DPP10: variants seen among roughly 807,000 people sequenced by gnomAD.
DPP10 encodes the protein inactive dipeptidyl peptidase 10.
Under a neutral mutation model 120.9 loss-of-function variants are expected in DPP10, and 33 were observed. That is an observed-to-expected ratio of 0.27 (90% confidence interval 0.21 to 0.37). DPP10 has a LOEUF of 0.37. DPP10 is among the 10% of genes least tolerant of loss of function. The pLI is 1.00. For missense variants in DPP10, 816 were observed against 942.8 expected (o/e 0.87, Z 1.76); for synonymous variants, 337 against 326.1 (o/e 1.03, Z -0.36).
intron 5 of DPP10, among the ~76,000 whole-genome samples, chr2:115,669,185 A>C (rs904670329): frequency 6.6e-6 from 1 of 152,146 alleles, no homozygotes; most frequent in Non-Finnish European, 1.5e-5. Flanking sequence ...GCTATTAGCA[A>C]AAGGTGTACA....
At chr2:115,041,124 A>C (rs1450233296) in intron 1 of DPP10, among the ~76,000 whole-genome samples, 2 of 145,236 alleles carry the variant, frequency 1.4e-5, no homozygotes, top group South Asian at 2.1e-4. Context: ...AAACAAAAAA[A>C]AAAAAAAAAA....
At chr2:114,454,070 G>A (rs1678431662) in intron 1 of DPP10, among the ~76,000 whole-genome samples, 1 of 152,168 alleles carries the variant, frequency 6.6e-6, no homozygotes, top group Non-Finnish European at 1.5e-5. Flanking sequence ...AGAAAAATGT[G>A]CTCTGAGACA....
At chr2:115,001,638 A>G (rs1701445415) in intron 1 of DPP10, among the ~76,000 whole-genome samples, 1 of 152,208 alleles carries the variant, frequency 6.6e-6, no homozygotes, top group Non-Finnish European at 1.5e-5. Flanking sequence ...TATAGCTAGG[A>G]AACCTCATGG....
In DPP10 at chr2:114,979,486, A is replaced by G. The variant is rs143865864; in HGVS notation, c.61-329753A>G. ...TTCTCTATTCTTGCTATAGATTTGTACTCAGTTATCTTAAATTTTTGTCAC... is the reference window on the plus strand; with the variant it reads ...TTCTCTATTCTTGCTATAGATTTGTGCTCAGTTATCTTAAATTTTTGTCAC... On this transcript the variant is annotated intron_variant, in intron 1 of 25. Transcript: ENST00000410059. Among the ~76,000 whole-genome samples the G allele has an allele frequency of 9.5e-3, 1,451 of 151,988 alleles. 26 individuals carry two copies. The highest frequency in any genetic ancestry group is 0.033 in the African/African-American group (1,382 of 41,506).
Position 115,135,416 on chromosome 2 carries a change from T to C in DPP10, c.61-173823T>C, listed in dbSNP as rs947916068. 6.6e-5 allele frequency among the ~76,000 whole-genome samples: 10 copies of C among 152,080 alleles called. 1 individual carries two copies. The highest frequency in any genetic ancestry group is 2.4e-4 in the African/African-American group (10 of 41,422). ...ATATTAATTATTACTTTCCTTATAA[T>C]AGCACCTCACCCATCTGTTTTATCC... On this transcript the variant is annotated intron_variant, in intron 1 of 25. Transcript: ENST00000410059.
chr2:114,883,892 T>C (rs1271872806), intron 1 of DPP10, among the ~76,000 whole-genome samples: 1 of 152,132 alleles, frequency 6.6e-6, no homozygotes, highest in Non-Finnish European at 1.5e-5. Flanking sequence ...TTCAGAAACA[T>C]CAGGAGTATA....
chr2:114,509,028 G>GAGAGAGAA (rs906699934), intron 1 of DPP10, among the ~76,000 whole-genome samples: 1 of 152,138 alleles, frequency 6.6e-6, no homozygotes, highest in East Asian at 1.9e-4. Flanking sequence ...GAGAGAGAGA[G>GAGAGAGAA]AGAGAGAAAG....
At chr2:115,601,956 C>T (rs1217850817) in intron 5 of DPP10, among the ~76,000 whole-genome samples, 1 of 152,000 alleles carries the variant, frequency 6.6e-6, no homozygotes, top group East Asian at 1.9e-4. Context: ...GCTGGGATTA[C>T]AGGTGTGAGC....
intron 1 of DPP10, among the ~76,000 whole-genome samples, chr2:115,099,180 G>A (rs1396737191): frequency 1.3e-5 from 2 of 152,008 alleles, no homozygotes; most frequent in African/African-American, 4.8e-5. Flanking sequence ...TGGACGTGGT[G>A]GTGGGTGCCT....
At chr2:115,789,755 T>A (rs944604041) in intron 17 of DPP10, among the ~76,000 whole-genome samples, 1 of 152,194 alleles carries the variant, frequency 6.6e-6, no homozygotes, top group Non-Finnish European at 1.5e-5. Flanking sequence ...AATAAGTGAA[T>A]TTATCATGGT....
Position 114,646,500 on chromosome 2 carries a change from C to T in DPP10, c.60+203662C>T, listed in dbSNP as rs1331157780. On this transcript the variant is annotated intron_variant, in intron 1 of 25. Transcript: ENST00000410059. Reference sequence around the variant, plus strand: ...GCACTTTTGGTCCCACTCTCTTAGCCGTCTCCCAGTTCCTGCAATTCAGAG... The same window carrying T: ...GCACTTTTGGTCCCACTCTCTTAGCTGTCTCCCAGTTCCTGCAATTCAGAG... Among the ~76,000 whole-genome samples, 9 of 152,108 alleles carry T rather than the reference C, an allele frequency of 5.9e-5. No homozygotes were observed. The East Asian group carries it at 9.7e-4, about 16-fold the overall frequency.
At chr2:115,359,280 C>T (rs778863252) in intron 3 of DPP10, among the ~76,000 whole-genome samples, 58 of 152,092 alleles carry the variant, frequency 3.8e-4, no homozygotes, top group Non-Finnish European at 7.9e-4. Flanking sequence ...TGTTCATTTG[C>T]AGGTTTAGAA....
chr2:115,412,204 A>G (rs937993926), intron 3 of DPP10, among the ~76,000 whole-genome samples: 3 of 152,190 alleles, frequency 2.0e-5, no homozygotes, highest in Non-Finnish European at 4.4e-5. Flanking sequence ...GAGGGAGAGT[A>G]TAGAGAAGCG....
intron 1 of DPP10, among the ~76,000 whole-genome samples, chr2:115,081,621 T>G (rs1243881744): frequency 6.6e-6 from 1 of 152,234 alleles, no homozygotes; most frequent in Non-Finnish European, 1.5e-5. Flanking sequence ...GGTTCCGTTT[T>G]CCATTTCTGT....
intron 1 of DPP10, chr2:115,161,110 G>T (rs889750566): frequency 6.6e-6 from 1 of 152,288 alleles, no homozygotes; most frequent in Non-Finnish European, 1.5e-5. Flanking sequence ...CGACCTTTAG[G>T]AGTTCCACCG....
Position 114,836,685 on chromosome 2 carries a change from C to T in DPP10, c.60+393847C>T, listed in dbSNP as rs933847137. Among the ~76,000 whole-genome samples the T allele has an allele frequency of 3.9e-5, 6 of 152,034 alleles. No homozygotes were observed. In the East Asian group the frequency reaches 7.7e-4, roughly 20 times the overall value. ...GGGACAGGGTTTGAGAGCAGACAAC[C>T]GGTCTGACCAAAAATGTATTAGGCG... On this transcript the variant is annotated intron_variant, in intron 1 of 25. Coordinates refer to ENST00000410059, the MANE Select transcript of DPP10 (RefSeq NM_020868.6).
At chr2:115,481,339 T>C (rs2075414975) in intron 3 of DPP10, among the ~76,000 whole-genome samples, 1 of 152,120 alleles carries the variant, frequency 6.6e-6, no homozygotes, top group East Asian at 1.9e-4. Flanking sequence ...CTCTCTTAGC[T>C]TCATAAAGTA....
At chr2:115,501,397 T>A (rs1346672649) in intron 4 of DPP10, among the ~76,000 whole-genome samples, 2 of 152,110 alleles carry the variant, frequency 1.3e-5, no homozygotes, top group Admixed American at 6.6e-5. Context: ...CACCATCTCA[T>A]ATCATTGTGG....
chr2:114,825,401 T>G (rs902857802), intron 1 of DPP10, among the ~76,000 whole-genome samples: 2 of 152,184 alleles, frequency 1.3e-5, no homozygotes, highest in Non-Finnish European at 2.9e-5. Context: ...TCTTTTACCT[T>G]CATGTGCTGG....
Sources: allele counts gnomAD v4.1 joint callset (sites outside exome capture counted in the v4.1 genomes callset), GRCh38; gene constraint gnomAD v4.1.1; transcripts MANE v1.5; gene names NCBI Gene and HGNC (gene_info 2026-07-23, HGNC 2026-07-21).